OR8B3: variants seen among roughly 807,000 people sequenced by gnomAD.
OR8B3 encodes the protein olfactory receptor 8B3.
For synonymous variants in OR8B3, 102 were observed against 135.4 expected (o/e 0.75, Z 1.71); for missense variants, 278 against 377.6 (o/e 0.74, Z 2.19).
upstream of OR8B3, among the ~76,000 whole-genome samples, chr11:124,403,894 C>A (rs572756089): frequency 5.9e-5 from 9 of 152,200 alleles, no homozygotes; most frequent in Admixed American, 5.9e-4. Flanking sequence ...GCAGATCACT[C>A]GTGGTTAGGA....
upstream of OR8B3, among the ~76,000 whole-genome samples, chr11:124,403,717 C>T (rs1480017118): frequency 1.3e-5 from 2 of 152,178 alleles, no homozygotes; most frequent in East Asian, 1.9e-4. Context: ...GGGTGGCGGC[C>T]GGGCAAAGGC....
the OR8B3 span, among the ~76,000 whole-genome samples, chr11:124,409,260 A>G: frequency 2.0e-5 from 3 of 152,244 alleles, no homozygotes; most frequent in Admixed American, 6.5e-5. Context: ...TTTCTGTGGC[A>G]GCGCTTACTT....
At chr11:124,403,896 T>C (rs539889054), upstream of OR8B3, among the ~76,000 whole-genome samples, 3 of 152,190 alleles carry the variant, frequency 2.0e-5, no homozygotes, top group South Asian at 2.1e-4. Flanking sequence ...AGATCACTCG[T>C]GGTTAGGAGC....
rs1276862416 is a variant in OR8B3, at chr11:124,396,454, G to A, written c.898C>T (p.Leu300=). 12 of 1,613,374 alleles carry A rather than the reference G, an allele frequency of 7.4e-6. No homozygotes were observed. The East Asian group carries it at 2.7e-4, about 36-fold the overall frequency. The change falls in exon 2 of 2, where the codon CTG becomes TTG. Residue 300 remains leucine, a synonymous_variant. Transcript: ENST00000641139. ...TGAATTTTAATCAGAGCTTTCCTCA[G>A]TGCAACTTTGACATCCTTGTTCCTC... The part of the protein sequence containing the change: ...SLRNKDVKVA[L]RKALIKIQRR...
upstream of OR8B3, chr11:124,399,042 C>G (rs1860945833): frequency 6.6e-6 from 1 of 152,202 alleles, no homozygotes; most frequent in Admixed American, 6.5e-5. Context: ...AGGACCTCCC[C>G]TACCATGACA....
rs1480791035 is a variant in OR8B3, at chr11:124,396,682, T to C, written c.670A>G (p.Ser224Gly). Residue 224 changes from serine to glycine, a missense_variant, in exon 2 of 2, where the codon AGC (serine) becomes GGC (glycine). Ser to Gly is a moderately conservative substitution (Grantham distance 56). Transcript: ENST00000641139. ...TGAGTGGATTTGATATGAAGAATGC[T>C]AGTGACAATGAAAACATAAGAAATG... is the stretch of plus-strand genomic sequence containing the variant. ...ILISYVFIVTSILHIKSTQGR... is the reference protein window; with the variant it reads ...ILISYVFIVTGILHIKSTQGR... 1 of 1,613,712 alleles carries C rather than the reference T, an allele frequency of 6.2e-7. No individual in the cohort carries two copies. The highest frequency in any genetic ancestry group is 8.5e-7 in the Non-Finnish European group (1 of 1,179,814).
At chr11:124,400,172 T>C (rs552142770), upstream of OR8B3, among the ~76,000 whole-genome samples, 57 of 152,310 alleles carry the variant, frequency 3.7e-4, no homozygotes, top group African/African-American at 1.3e-3. Flanking sequence ...AAAATATCCA[T>C]CTTAAAAGAG....
At chr11:124,406,403 G>A in the OR8B3 span, among the ~76,000 whole-genome samples, 4 of 151,992 alleles carry the variant, frequency 2.6e-5, no homozygotes, top group South Asian at 2.1e-4. Flanking sequence ...ATTCATATTC[G>A]CCTATATATA....
At chr11:124,404,683 C>A in the OR8B3 span, 5 of 152,188 alleles carry the variant, frequency 3.3e-5, no homozygotes, top group Non-Finnish European at 5.9e-5. Flanking sequence ...TAAAATCAGA[C>A]CTTTCTAGGG....
chr11:124,397,204 C>G lies in OR8B3; in HGVS notation c.148G>C (p.Gly50Arg), dbSNP rs373419493. 1.4e-5 allele frequency: 23 copies of G among 1,609,912 alleles called. No individual in the cohort carries two copies. Among genetic ancestry groups the G allele is most frequent in the Non-Finnish European group, 1.9e-5 (22 of 1,179,470 alleles). The change falls in exon 2 of 2, where the codon GGT becomes CGT. Residue 50 changes from glycine to arginine, a missense_variant. By Grantham distance (125) the Gly-to-Arg change is moderately radical. Coordinates refer to ENST00000641139, the MANE Select transcript of OR8B3 (RefSeq NM_001005467.2). ...VGNLGLIILF[G>R]LNSHLHTPMY... is the part of the protein sequence containing the mutation. ...GGTGTGTGGAGGTGAGAATTTAGAC[C>G]GAAAAGAATGATCAAGCCAAGGTTG...
At chr11:124,401,594 T>G (rs139631292), upstream of OR8B3, among the ~76,000 whole-genome samples, 27 of 152,374 alleles carry the variant, frequency 1.8e-4, no homozygotes, top group East Asian at 3.3e-3. Flanking sequence ...TCAATTTCAC[T>G]TTTTATTTCA....
At chr11:124,408,311 C>T in the OR8B3 span, among the ~76,000 whole-genome samples, 1 of 152,172 alleles carries the variant, frequency 6.6e-6, no homozygotes, top group Non-Finnish European at 1.5e-5. Flanking sequence ...CTTCACCAAA[C>T]ATAGAGGAGA....
Position 124,396,814 on chromosome 11 carries a change from C to T in OR8B3, c.538G>A (p.Asp180Asn). 1 of 1,610,328 alleles carries T rather than the reference C, an allele frequency of 6.2e-7. No homozygotes were observed. Among genetic ancestry groups the T allele is most frequent in the African/African-American group, 1.3e-5 (1 of 74,844 alleles). The change falls in exon 2 of 2, where the codon GAC becomes AAC. Residue 180 changes from aspartate (D) to asparagine (N), a missense_variant. By Grantham distance (23) the Asp-to-Asn change is conservative. Coordinates refer to ENST00000641139, the MANE Select transcript of OR8B3 (RefSeq NM_001005467.2). Reference protein sequence around the residue: ...SANIINHYLCDILPLLQLSCT... With the variant: ...SANIINHYLCNILPLLQLSCT... ...GAAAGCTGGAGGAGGGGGAGTATGTCACACAAGTAATGGTTGATGATATTA... is the reference window on the plus strand; with the variant it reads ...GAAAGCTGGAGGAGGGGGAGTATGTTACACAAGTAATGGTTGATGATATTA...
chr11:124,409,084 G>T, the OR8B3 span, among the ~76,000 whole-genome samples: 4 of 150,160 alleles, frequency 2.7e-5, no homozygotes, highest in African/African-American at 9.7e-5. Flanking sequence ...CAATGTAGGG[G>T]CTCGCCTGCC....
the OR8B3 span, chr11:124,404,956 G>C: frequency 6.6e-6 from 1 of 152,182 alleles, no homozygotes; most frequent in African/African-American, 2.4e-5. Flanking sequence ...GTGTGTGGGG[G>C]TATGAAGGTG....
At chr11:124,409,077 T>C in the OR8B3 span, among the ~76,000 whole-genome samples, 1 of 150,890 alleles carries the variant, frequency 6.6e-6, no homozygotes, top group South Asian at 2.1e-4. Context: ...TAAGCCCCAA[T>C]GTAGGGGCTC....
chr11:124,402,225 A>G (rs1346072857), upstream of OR8B3, among the ~76,000 whole-genome samples: 2 of 152,220 alleles, frequency 1.3e-5, no homozygotes, highest in African/African-American at 2.4e-5. Flanking sequence ...GTACAACAGT[A>G]CCCATATCTT....
rs762969418 is a variant in OR8B3 at position 124,396,722 on chromosome 11, G to C, written c.630C>G (p.Pro210=). 2 of 1,613,890 alleles carry C rather than the reference G, an allele frequency of 1.2e-6. No homozygotes were observed. Among genetic ancestry groups the C allele is most frequent in the South Asian group, 2.2e-5 (2 of 91,060 alleles). ...CATAAGAAATGAGGATGGTACAACT[G>C]GGTACCATGATATTAATACCCACAA... ...LIVVGINIMV[P]SCTILISYVF... The change falls in exon 2 of 2, where the codon CCC becomes CCG. Residue 210 remains proline (P), a synonymous_variant. Coordinates refer to ENST00000641139, the MANE Select transcript of OR8B3 (RefSeq NM_001005467.2).
At chr11:124,403,723 A>G (rs1268842296), upstream of OR8B3, among the ~76,000 whole-genome samples, 20 of 151,948 alleles carry the variant, frequency 1.3e-4, no homozygotes, top group Non-Finnish European at 1.9e-4. Context: ...CGGCCGGGCA[A>G]AGGCTGCAAT....
Sources: allele counts gnomAD v4.1 joint callset (sites outside exome capture counted in the v4.1 genomes callset), GRCh38; gene constraint gnomAD v4.1.1; transcripts MANE v1.5; gene names NCBI Gene and HGNC (gene_info 2026-07-23, HGNC 2026-07-21).